The following NXPE4 variants were observed in gnomAD, a reference collection of about 807,000 sequenced individuals.
NXPE4 encodes neurexophilin and PC-esterase domain family member 4.
Under a neutral mutation model 33.3 loss-of-function variants are expected in NXPE4, and 42 were observed. That is an observed-to-expected ratio of 1.26 (90% CI 0.98 to 1.63). The LOEUF (loss-of-function observed/expected upper bound fraction) is 1.63, where lower values mean the gene tolerates loss of function less well. Ranked by LOEUF, NXPE4 falls within the 40% of genes most tolerant of loss-of-function variation. NXPE4 has a pLI of 0.00. For missense variants in NXPE4, 709 were observed against 647.6 expected, an observed-to-expected ratio of 1.09 and a Z score of -1.03; for synonymous variants, 253 against 234.9, an observed-to-expected ratio of 1.08 and a Z score of -0.71.
chr11:114,599,334 A>G (rs1167853809), upstream of NXPE4, among the ~76,000 whole-genome samples: 1 of 152,080 alleles, frequency 6.6e-6, no homozygotes, highest in Non-Finnish European at 1.5e-5. Flanking sequence ...CACTACCAGT[A>G]TTTTGGTGGC....
the NXPE4 span, among the ~76,000 whole-genome samples, chr11:114,624,844 G>A: frequency 0.092 from 13,931 of 152,130 alleles, 747 homozygotes; most frequent in Middle Eastern, 0.2. Context: ...GTTACCTGGT[G>A]GATAATAAGT....
At chr11:114,599,517 G>A (rs935970530), upstream of NXPE4, among the ~76,000 whole-genome samples, 1 of 152,022 alleles carries the variant, frequency 6.6e-6, no homozygotes, top group Non-Finnish European at 1.5e-5. Flanking sequence ...CTGTTCTCAC[G>A]CTGCTATAAA....
chr11:114,637,761 T>G, the NXPE4 span, among the ~76,000 whole-genome samples: 1 of 151,818 alleles, frequency 6.6e-6, no homozygotes, highest in African/African-American at 2.4e-5. Flanking sequence ...GGGTTGAAAA[T>G]TCTTCTCTTT....
At chr11:114,594,283 C>T (rs1215912524) in intron 2 of NXPE4, among the ~76,000 whole-genome samples, 2 of 152,108 alleles carry the variant, frequency 1.3e-5, no homozygotes, top group African/African-American at 4.8e-5. Context: ...ATCAAAATAT[C>T]TCATCTACCC....
chr11:114,663,513 T>C, the NXPE4 span, among the ~76,000 whole-genome samples: 4 of 152,054 alleles, frequency 2.6e-5, no homozygotes, highest in Non-Finnish European at 5.9e-5. Flanking sequence ...AGTAGGGGTG[T>C]AAACTGGGAG....
At chr11:114,656,574 TA>T in the NXPE4 span, among the ~76,000 whole-genome samples, 1 of 152,056 alleles carries the variant, frequency 6.6e-6, no homozygotes, top group Non-Finnish European at 1.5e-5. Context: ...TGTGATAAGT[TA>T]ATTGCATGAA....
Position 114,582,789 on chromosome 11 carries a change from G to C in NXPE4, c.329C>G (p.Thr110Arg). Residue 110 changes from threonine (T) to arginine (R), a missense_variant, in exon 3 of 6, where the codon ACG becomes AGG. Transcript: ENST00000375478. ...GTGCAGCTGGTCTCCCCTGCAGTAC[G>C]TATCTCGAGGGTTGAGGATGGTGGC... ...STATILNPRD[T>R]YCRGDQLHIL... is the part of the protein sequence containing the mutation. 1.2e-6 allele frequency: 2 copies of C among 1,614,160 alleles called. No homozygotes were observed. The highest frequency in any genetic ancestry group is 1.7e-6 in the Non-Finnish European group (2 of 1,180,004).
At chr11:114,674,169 C>A in the NXPE4 span, among the ~76,000 whole-genome samples, 1 of 151,698 alleles carries the variant, frequency 6.6e-6, no homozygotes, top group Non-Finnish European at 1.5e-5. Flanking sequence ...CCTTAGTAGT[C>A]TTTTATTTAA....
the NXPE4 span, among the ~76,000 whole-genome samples, chr11:114,668,290 C>T: frequency 0.092 from 14,025 of 152,008 alleles, 782 homozygotes; most frequent in Middle Eastern, 0.2. Context: ...GGACAGGCTC[C>T]TGCTTGTCTG....
chr11:114,607,664 GATA>G, the NXPE4 span, among the ~76,000 whole-genome samples: 2 of 151,702 alleles, frequency 1.3e-5, no homozygotes, highest in African/African-American at 4.8e-5. Flanking sequence ...TTACACAGTG[GATA>G]ATAAGTGTTG....
At chr11:114,639,561 G>A in the NXPE4 span, among the ~76,000 whole-genome samples, 18 of 150,826 alleles carry the variant, frequency 1.2e-4, no homozygotes, top group South Asian at 2.5e-3. Context: ...CTTCTGCATC[G>A]CTCAGGCCGG....
chr11:114,586,544 C>T (rs1328622708), intron 2 of NXPE4, among the ~76,000 whole-genome samples: 5 of 152,180 alleles, frequency 3.3e-5, no homozygotes, highest in Non-Finnish European at 7.3e-5. Flanking sequence ...GAGAACTTAG[C>T]TAATCCCCCC....
At chr11:114,575,227 C>T (rs1236406925) in intron 5 of NXPE4, among the ~76,000 whole-genome samples, 1 of 152,060 alleles carries the variant, frequency 6.6e-6, no homozygotes, top group African/African-American at 2.4e-5. Context: ...AAACCCCTAG[C>T]CAACATAATA....
rs567131026 is a variant in NXPE4, at chr11:114,570,977, G to C, written c.1596C>G (p.Val532=). ...TTAATAATATATTAATCTGATTTCCGACTACATGTTGAGGTGGGTGTACAT... is the reference window on the plus strand; with the variant it reads ...TTAATAATATATTAATCTGATTTCCCACTACATGTTGAGGTGGGTGTACAT... The part of the protein sequence containing the change: ...TNNVHPPQHV[V]GNQINILLNY... The change falls in exon 6 of 6, where the codon GTC becomes GTG. Residue 532 remains valine, a synonymous_variant. Transcript: ENST00000375478. 44 of 1,608,514 alleles carry C rather than the reference G, an allele frequency of 2.7e-5. No individual in the cohort carries two copies. The highest frequency in any genetic ancestry group is 3.7e-5 in the Non-Finnish European group (43 of 1,175,990).
the NXPE4 span, among the ~76,000 whole-genome samples, chr11:114,616,004 G>A: frequency 7.5e-4 from 114 of 151,628 alleles, no homozygotes; most frequent in Admixed American, 1.1e-3. Flanking sequence ...GTGACCCAGT[G>A]GATAATAAGT....
chr11:114,630,348 T>G, the NXPE4 span, among the ~76,000 whole-genome samples: 75 of 151,544 alleles, frequency 4.9e-4, 1 homozygote, highest in Non-Finnish European at 6.6e-4. Flanking sequence ...GAACAGAACA[T>G]AGCCCTCAGA....
At chr11:114,642,233 G>A in the NXPE4 span, among the ~76,000 whole-genome samples, 2 of 151,944 alleles carry the variant, frequency 1.3e-5, no homozygotes, top group South Asian at 2.1e-4. Context: ...CAAAAAACCC[G>A]GTCTAACAAT....
the NXPE4 span, among the ~76,000 whole-genome samples, chr11:114,626,743 C>T: frequency 6.6e-6 from 1 of 152,036 alleles, no homozygotes; most frequent in African/African-American, 2.4e-5. Context: ...GACATTCAAA[C>T]CAAAGGCAAA....
the NXPE4 span, among the ~76,000 whole-genome samples, chr11:114,651,561 G>A: frequency 6.6e-6 from 1 of 152,172 alleles, no homozygotes; most frequent in African/African-American, 2.4e-5. Flanking sequence ...GGCTTTGCTG[G>A]CCAGCCTTTA....
Sources: gnomAD v4.1 joint callset for allele counts (sites outside exome capture counted in the v4.1 genomes callset) on GRCh38, gnomAD v4.1.1 for gene constraint, MANE v1.5 for transcripts, NCBI Gene and HGNC (gene_info 2026-07-23, HGNC 2026-07-21) for gene names.